Variants in PHACTR2 observed in about 807,000 individuals in gnomAD.
PHACTR2 encodes chromosome 6 open reading frame 56.
Under a neutral mutation model 76.0 loss-of-function variants are expected in PHACTR2, and 30 were observed. That is an observed-to-expected ratio of 0.39 (90% CI 0.30 to 0.54). The LOEUF (loss-of-function observed/expected upper bound fraction) is 0.54. PHACTR2 is among the 20% of genes least tolerant of loss of function. The pLI is 0.61. For synonymous variants in PHACTR2, 292 were observed against 292.5 expected, an observed-to-expected ratio of 1.00 and a Z score of 0.02; for missense variants, 696 against 781.1, an observed-to-expected ratio of 0.89 and a Z score of 1.30.
At chr6:143,785,365 T>C (rs1391748790) in intron 10 of PHACTR2, among the ~76,000 whole-genome samples, 4 of 152,224 alleles carry the variant, frequency 2.6e-5, no homozygotes, top group Non-Finnish European at 5.9e-5. Flanking sequence ...GTCACACTGA[T>C]GCAAGAGGTG....
chr6:143,643,491 A>T (rs941182588), intron 1 of PHACTR2, among the ~76,000 whole-genome samples: 1 of 152,252 alleles, frequency 6.6e-6, no homozygotes, highest in Non-Finnish European at 1.5e-5. Context: ...GTCACTGGTT[A>T]TAACAATGTT....
intron 6 of PHACTR2, among the ~76,000 whole-genome samples, chr6:143,771,696 C>G (rs1775148658): frequency 6.6e-6 from 1 of 152,098 alleles, no homozygotes; most frequent in African/African-American, 2.4e-5. Flanking sequence ...TTCAGCCTTC[C>G]AAAGTGCTGG....
upstream of PHACTR2, among the ~76,000 whole-genome samples, chr6:143,675,353 T>C (rs1284654970): frequency 1.3e-5 from 2 of 152,190 alleles, no homozygotes; most frequent in Non-Finnish European, 2.9e-5. This position sits in a 1 kb window ranked among gnomAD's most constrained non-coding sequence, Gnocchi z 4.9. Flanking sequence ...TGCGGCATTA[T>C]TATAACAGAG....
At chr6:143,814,891 C>T (rs762191052) in intron 12 of PHACTR2, among the ~76,000 whole-genome samples, 17 of 152,050 alleles carry the variant, frequency 1.1e-4, no homozygotes, top group Non-Finnish European at 2.2e-4. Context: ...CGTGAGCCAC[C>T]GCCGCCGGCC....
intron 2 of PHACTR2, among the ~76,000 whole-genome samples, chr6:143,728,641 T>C (rs1230682792): frequency 6.6e-6 from 1 of 152,066 alleles, no homozygotes; most frequent in African/African-American, 2.4e-5. Context: ...AACAGACACA[T>C]AGACCAATGG....
chr6:143,635,084 C>A (rs1437504197), intron 1 of PHACTR2, among the ~76,000 whole-genome samples: 1 of 152,134 alleles, frequency 6.6e-6, no homozygotes, highest in Non-Finnish European at 1.5e-5. Context: ...TTTATCCTCT[C>A]CACATTCTTG....
chr6:143,771,131 C>CATATATATATGTAT lies in PHACTR2; in HGVS notation c.1233-1117_1233-1116insGTATATATATATAT, dbSNP rs1447222154. 5.6e-5 allele frequency among the ~76,000 whole-genome samples: 4 copies of CATATATATATGTAT among 71,236 alleles called. 1 individual carries two copies. Among genetic ancestry groups the CATATATATATGTAT allele is most frequent in the African/African-American group, 2.2e-4 (4 of 18,200 alleles). The allele number at this position is 71,236 out of a possible 152,430, so 46.7% of individuals were successfully genotyped here. A position where few individuals can be genotyped will look rare whatever the true frequency, so the allele number is the denominator to read the frequency against. On this transcript the variant is annotated intron_variant, in intron 6 of 12. Transcript: ENST00000440869. The stretch of plus-strand genomic sequence containing the variant: ...AGGATTAATTCATATATGTACTTTA[C>CATATATATATGTAT]ATATATATATATGTATATATATATA...
chr6:143,704,282 T>A (rs1473884312), intron 1 of PHACTR2, among the ~76,000 whole-genome samples: 3 of 152,166 alleles, frequency 2.0e-5, no homozygotes, highest in Non-Finnish European at 2.9e-5. Flanking sequence ...CTAAAAAGTG[T>A]TGAAACAGCC....
In PHACTR2 at chr6:143,791,341, T is replaced by C. The variant is rs1281809840; in HGVS notation, c.1845+2431T>C. ...CATTAATTTTCATCCTTCCTTACTT[T>C]CTGATACAAGCACTGAAGGTTAGAA... On this transcript the variant is annotated intron_variant, in intron 11 of 12. Transcript: ENST00000440869. The surrounding 1 kb of genome is among the most constrained non-coding windows in gnomAD (Gnocchi z 4.7). Among the ~76,000 whole-genome samples the C allele has an allele frequency of 1.3e-5, 2 of 152,184 alleles. No homozygotes were observed. Among genetic ancestry groups the C allele is most frequent in the Non-Finnish European group, 2.9e-5 (2 of 68,040 alleles).
rs2128446937 is a variant in PHACTR2, at chr6:143,654,814, CA to C, written c.13+46497del. Among the ~76,000 whole-genome samples, 1 of 152,142 alleles carries C rather than the reference CA, an allele frequency of 6.6e-6. No homozygotes were observed. Among genetic ancestry groups the C allele is most frequent in the Admixed American group, 6.5e-5 (1 of 15,286 alleles). On this transcript the variant is annotated intron_variant, in intron 1 of 11. Transcript: ENST00000305766. The surrounding 1 kb of genome is among the most constrained non-coding windows in gnomAD (Gnocchi z 4.6). ...GCAAGACCTTGTCTCTACAAATAAA[CA>C]AAAACTAAATGAAGTATTGATACAT... is the stretch of plus-strand genomic sequence containing the variant.
At chr6:143,630,826 A>G (rs1776352405) in intron 1 of PHACTR2, among the ~76,000 whole-genome samples, 1 of 152,250 alleles carries the variant, frequency 6.6e-6, no homozygotes, top group Non-Finnish European at 1.5e-5. Flanking sequence ...CCTTTGGAGC[A>G]GGGAAAGAAC....
rs914232340 is a variant in PHACTR2 at position 143,761,058 on chromosome 6, A to G, written c.694+418A>G. 6.6e-6 allele frequency among the ~76,000 whole-genome samples: 1 copy of G among 152,214 alleles called. No individual in the cohort carries two copies. Among genetic ancestry groups the G allele is most frequent in the African/African-American group, 2.4e-5 (1 of 41,452 alleles). The stretch of plus-strand genomic sequence containing the variant: ...AAGGTTTGCATATAAAAATGTGACA[A>G]TTATAACTTTGATATATTTACTGGA... On this transcript the variant is annotated intron_variant, in intron 5 of 12. Coordinates refer to ENST00000440869, the MANE Select transcript of PHACTR2 (RefSeq NM_001100164.2). The surrounding 1 kb of genome is among the most constrained non-coding windows in gnomAD (Gnocchi z 5.2).
rs761716389 is a variant in PHACTR2, at chr6:143,788,817, C to A, written c.1752C>A (p.Ile584=). 4 of 1,613,618 alleles carry A rather than the reference C, an allele frequency of 2.5e-6. No individual in the cohort carries two copies. In the East Asian group the frequency reaches 6.7e-5, roughly 27 times the overall value. The change falls in exon 11 of 13, where the codon ATC becomes ATA. Residue 584 remains isoleucine (I), a synonymous_variant. Coordinates refer to ENST00000440869, the MANE Select transcript of PHACTR2 (RefSeq NM_001100164.2). ...TGGCAGAGCTACAAGCTCGAAGGAT[C>A]CTGCGATTTAACGAGTATGTAGAAG... The part of the protein sequence containing the change: ...PTVAELQARR[I]LRFNEYVEVT...
Position 143,550,496 on chromosome 6 carries a change from C to T in PHACTR2, c.217+13289C>T, listed in dbSNP as rs1355142777. Among the ~76,000 whole-genome samples the T allele has an allele frequency of 6.6e-6, 1 of 151,884 alleles. No homozygotes were observed. Among genetic ancestry groups the T allele is most frequent in the East Asian group, 1.9e-4 (1 of 5,198 alleles). ...TATTATCTATATAGTAAATAATGGG[C>T]GGAGGGTGTCATGCTTTTTCATGAA... On this transcript the variant is annotated intron_variant, in intron 1 of 11. Coordinates refer to the PHACTR2 transcript ENST00000367584. This position sits in a 1 kb window ranked among gnomAD's most constrained non-coding sequence, Gnocchi z 4.8.
rs2128450969 is a variant in PHACTR2, at chr6:143,671,885, C to A, written c.14-40131C>A. 6.6e-6 allele frequency among the ~76,000 whole-genome samples: 1 copy of A among 152,066 alleles called. No individual in the cohort carries two copies. The highest frequency in any genetic ancestry group is 2.1e-4 in the South Asian group (1 of 4,820). On this transcript the variant is annotated intron_variant, in intron 1 of 11. Coordinates refer to the PHACTR2 transcript ENST00000305766. The surrounding 1 kb of genome is among the most constrained non-coding windows in gnomAD (Gnocchi z 4.6). Reference sequence around the variant, plus strand: ...TTTTGTATAGCCATACAATGGAAGGCAACCTAGAACAAAAAGGAACAAAAT... The same window carrying A: ...TTTTGTATAGCCATACAATGGAAGGAAACCTAGAACAAAAAGGAACAAAAT...
rs1414795215 is a variant in PHACTR2 at position 143,787,039 on chromosome 6, C to G, written c.1708-1734C>G. Among the ~76,000 whole-genome samples the G allele has an allele frequency of 1.3e-5, 2 of 151,188 alleles. No individual in the cohort carries two copies. The highest frequency in any genetic ancestry group is 3.0e-5 in the Non-Finnish European group (2 of 67,730). ...TACCATCTGTAGACAATCAATCACC[C>G]CCTCCTTATTGCCCTGGGCACAGTC... On this transcript the variant is annotated intron_variant, in intron 10 of 12. Transcript: ENST00000440869. The surrounding 1 kb of genome is among the most constrained non-coding windows in gnomAD (Gnocchi z 4.6).
rs1227129998 is a variant in PHACTR2, at chr6:143,683,053, A to C, written c.46+4844A>C. Among the ~76,000 whole-genome samples, 1 of 152,222 alleles carries C rather than the reference A, an allele frequency of 6.6e-6. No homozygotes were observed. The highest frequency in any genetic ancestry group is 1.5e-5 in the Non-Finnish European group (1 of 68,036). ...GATAAATCCCACTTGGGTAATGTGTATAATCCTTTTTGTATGTTGCTGGGT... is the reference window on the plus strand; with the variant it reads ...GATAAATCCCACTTGGGTAATGTGTCTAATCCTTTTTGTATGTTGCTGGGT... On this transcript the variant is annotated intron_variant, in intron 1 of 12. Transcript: ENST00000440869. The surrounding 1 kb of genome is among the most constrained non-coding windows in gnomAD (Gnocchi z 4.1).
At chr6:143,634,268 G>C (rs1012912155) in intron 1 of PHACTR2, among the ~76,000 whole-genome samples, 4 of 152,080 alleles carry the variant, frequency 2.6e-5, no homozygotes, top group African/African-American at 9.7e-5. Context: ...TTCTCTTCTG[G>C]AAAGTTACAT....
intron 1 of PHACTR2, among the ~76,000 whole-genome samples, chr6:143,538,720 C>T (rs562529399): frequency 6.6e-6 from 1 of 152,370 alleles, no homozygotes; most frequent in African/African-American, 2.4e-5. Flanking sequence ...TCACCATAGC[C>T]TTCTGTCTTC....
Sources: allele counts gnomAD v4.1 joint callset (sites outside exome capture counted in the v4.1 genomes callset), GRCh38; gene constraint gnomAD v4.1.1; non-coding constraint Gnocchi (gnomAD v3.1); transcripts MANE v1.5; gene names NCBI Gene and HGNC (gene_info 2026-07-23, HGNC 2026-07-21).